Variants in ECE1 observed in about 807,000 individuals in gnomAD.
ECE1 encodes the protein endothelin-converting enzyme 1.
Under a neutral mutation model 98.6 loss-of-function variants are expected in ECE1, and 35 were observed. That is an observed-to-expected ratio of 0.35 (90% CI 0.27 to 0.47). ECE1 has a LOEUF of 0.47. Ranked by LOEUF, ECE1 falls within the 20% of genes least tolerant of loss-of-function variation. The pLI is 1.00. For missense variants in ECE1, 814 were observed against 1,025.3 expected (o/e 0.79, Z 2.81); for synonymous variants, 394 against 407.1 (o/e 0.97, Z 0.39).
chr1:21,247,295 T>C lies in ECE1; in HGVS notation c.1089A>G (p.Glu363=). ...NTIFYPVEIN[E]SEPIVVYDKE... Reference sequence around the variant, plus strand: ...TGTCATAGACCACAATAGGCTCGGATTCATTGATCTCCACGGGGTAGAAGA... The same window carrying C: ...TGTCATAGACCACAATAGGCTCGGACTCATTGATCTCCACGGGGTAGAAGA... The change falls in exon 9 of 19, where the codon GAA becomes GAG. Residue 363 remains glutamate (E), a synonymous_variant. Transcript: ENST00000374893. 1.2e-6 allele frequency: 2 copies of C among 1,614,170 alleles called. No individual in the cohort carries two copies. The highest frequency in any genetic ancestry group is 1.7e-6 in the Non-Finnish European group (2 of 1,180,030).
At chr1:21,242,980 T>C (rs1417324412) in intron 10 of ECE1, among the ~76,000 whole-genome samples, 1 of 152,176 alleles carries the variant, frequency 6.6e-6, no homozygotes, top group East Asian at 1.9e-4. Context: ...TGAAACTCTA[T>C]ACTCATTAAA....
intron 2 of ECE1, chr1:21,279,762 C>T (rs1366596774): frequency 8.3e-7 from 1 of 1,199,030 alleles, no homozygotes; most frequent in African/African-American, 1.5e-5. Flanking sequence ...ATGGCTCACA[C>T]TTCCCAGAAG....
chr1:21,238,359 G>T (rs1573948038), intron 10 of ECE1, 115 bp from the exon 11 acceptor site: 2 of 831,106 alleles, frequency 2.4e-6, no homozygotes, highest in East Asian at 5.3e-5. Context: ...AGTTCAGGGA[G>T]AGCTTTCCGA....
intron 3 of ECE1, among the ~76,000 whole-genome samples, chr1:21,276,233 C>T (rs2098247004): frequency 6.6e-6 from 1 of 151,988 alleles, no homozygotes; most frequent in Admixed American, 6.6e-5. Flanking sequence ...ACCATGTTGG[C>T]CAGGCTGGTC....
chr1:21,288,996 A>G (rs1281012705), intron 2 of ECE1, among the ~76,000 whole-genome samples: 1 of 152,134 alleles, frequency 6.6e-6, no homozygotes, highest in Non-Finnish European at 1.5e-5. Flanking sequence ...GTGACCCTGG[A>G]GGAGGAACTC....
intron 2 of ECE1, among the ~76,000 whole-genome samples, chr1:21,288,127 T>C (rs1223755971): frequency 6.6e-6 from 1 of 152,196 alleles, no homozygotes; most frequent in Non-Finnish European, 1.5e-5. Flanking sequence ...CCCACAAAAA[T>C]GCCCCAAATC....
intron 1 of ECE1, among the ~76,000 whole-genome samples, chr1:21,312,617 T>TTAAA (rs111907863): frequency 0.046 from 7,056 of 151,802 alleles, 568 homozygotes; most frequent in African/African-American, 0.16. Context: ...ACCCTGTCTC[T>TTAAA]TAAATAAATA....
chr1:21,250,762 C>T (rs1332842042), intron 8 of ECE1, among the ~76,000 whole-genome samples: 1 of 152,150 alleles, frequency 6.6e-6, no homozygotes, highest in African/African-American at 2.4e-5. Flanking sequence ...AACCCCAGCA[C>T]TTTGGGAGGC....
intron 14 of ECE1, among the ~76,000 whole-genome samples, chr1:21,228,872 A>G (rs1381523468): frequency 7.6e-6 from 1 of 132,080 alleles, no homozygotes; most frequent in Non-Finnish European, 1.6e-5. Flanking sequence ...GACGGAGCTC[A>G]CTCTGTCACC....
chr1:21,320,339 C>T (rs1464703966), intron 1 of ECE1, among the ~76,000 whole-genome samples: 1 of 152,164 alleles, frequency 6.6e-6, no homozygotes, highest in Non-Finnish European at 1.5e-5. Flanking sequence ...AGGACTGCTA[C>T]GATCAAATGG....
chr1:21,271,392 C>T lies in ECE1; in HGVS notation c.493+1307G>A, dbSNP rs146024335. 2.7e-4 allele frequency among the ~76,000 whole-genome samples: 41 copies of T among 152,318 alleles called. No homozygotes were observed. The East Asian group carries it at 5.2e-3, about 19-fold the overall frequency. Reference sequence around the variant, plus strand: ...GAATCATTTCCTGTCTCTTAAGATTCGTGTCCCTTTAAGAAGATCTGTCCC... The same window carrying T: ...GAATCATTTCCTGTCTCTTAAGATTTGTGTCCCTTTAAGAAGATCTGTCCC... On this transcript the variant is annotated intron_variant, in intron 4 of 18. Coordinates refer to ENST00000374893, the MANE Select transcript of ECE1 (RefSeq NM_001397.3).
In ECE1 at chr1:21,345,158, GC is replaced by G. The variant is rs1490521665; in HGVS notation, c.3+217del. On this transcript the variant is annotated intron_variant, in intron 1 of 18. Coordinates refer to the ECE1 transcript ENST00000415912. The surrounding 1 kb of genome is among the most constrained non-coding windows in gnomAD (Gnocchi z 5.1). ...GACCAGAACCAAGCTCGGCGCGGCC[GC>G]CCCCGACGGGACCAAGCGCAGCGCC... The G allele has an allele frequency of 1.9e-5, 9 of 472,530 alleles. No individual in the cohort carries two copies. The highest frequency in any genetic ancestry group is 2.7e-5 in the Non-Finnish European group (9 of 333,526). 29.3% of individuals were successfully genotyped at this position (472,530 alleles called of 1,614,324 possible). A position where few individuals can be genotyped will look rare whatever the true frequency, so the allele number is the denominator to read the frequency against.
chr1:21,244,917 G>T, intron 10 of ECE1, 72 bp downstream of exon 10: 1 of 1,441,852 alleles, frequency 6.9e-7, no homozygotes, highest in Non-Finnish European at 9.8e-7. Context: ...GTCCCTTCCT[G>T]TGCTCCCATA....
intron 18 of ECE1, among the ~76,000 whole-genome samples, chr1:21,221,373 T>C (rs969694278): frequency 2.6e-5 from 4 of 152,158 alleles, no homozygotes; most frequent in African/African-American, 9.7e-5. Flanking sequence ...GGTTTCACTA[T>C]GTGGACTAGG....
intron 1 of ECE1, among the ~76,000 whole-genome samples, chr1:21,304,719 A>C (rs1488384541): frequency 2.0e-5 from 3 of 152,204 alleles, no homozygotes; most frequent in Admixed American, 6.5e-5. Context: ...AATACCCTCT[A>C]TCTTGATTCT....
intron 1 of ECE1, among the ~76,000 whole-genome samples, chr1:21,304,929 T>G (rs764033195): frequency 2.0e-5 from 3 of 152,084 alleles, no homozygotes; most frequent in Non-Finnish European, 2.9e-5. Flanking sequence ...AAGACACAAC[T>G]GAAGATGCCT....
intron 1 of ECE1, among the ~76,000 whole-genome samples, chr1:21,338,900 C>T (rs1391056140): frequency 6.6e-6 from 1 of 150,694 alleles, no homozygotes; most frequent in Admixed American, 6.6e-5. Context: ...TGGCTGCTGC[C>T]CCAGGCCCAC....
intron 1 of ECE1, among the ~76,000 whole-genome samples, chr1:21,296,356 A>G (rs1055680019): frequency 6.6e-6 from 1 of 151,316 alleles, no homozygotes; most frequent in African/African-American, 2.4e-5. Flanking sequence ...AAAAAATTTA[A>G]AAAAAAAATT....
chr1:21,235,990 T>C lies in ECE1; in HGVS notation c.1489-63A>G. On this transcript the variant is annotated intron_variant, in intron 12 of 18. Coordinates refer to ENST00000374893, the MANE Select transcript of ECE1 (RefSeq NM_001397.3). The surrounding 1 kb of genome is among the most constrained non-coding windows in gnomAD (Gnocchi z 4.2). ...CATCGACCAGGCCAGCCTGAGCAACTTGGGTGCTGGGCTCATAGTCTGGGC... is the reference window on the plus strand; with the variant it reads ...CATCGACCAGGCCAGCCTGAGCAACCTGGGTGCTGGGCTCATAGTCTGGGC... 1 of 1,504,690 alleles carries C rather than the reference T, an allele frequency of 6.6e-7. No individual in the cohort carries two copies. Among genetic ancestry groups the C allele is most frequent in the Non-Finnish European group, 9.3e-7 (1 of 1,080,326 alleles). 93.2% of individuals were successfully genotyped at this position (1,504,690 alleles called of 1,614,324 possible). A position where few individuals can be genotyped will look rare whatever the true frequency, so the allele number is the denominator to read the frequency against.
Sources: allele counts gnomAD v4.1 joint callset (sites outside exome capture counted in the v4.1 genomes callset), GRCh38; gene constraint gnomAD v4.1.1; non-coding constraint Gnocchi (gnomAD v3.1); transcripts MANE v1.5; gene names NCBI Gene and HGNC (gene_info 2026-07-23, HGNC 2026-07-21).